CDKAL1: variants seen among roughly 807,000 people sequenced by gnomAD.
CDKAL1 encodes CDKAL1 threonylcarbamoyladenosine tRNA methylthiotransferase, also known as threonylcarbamoyladenosine tRNA methylthiotransferase.
CDKAL1 carries 32 observed loss-of-function variants against 68.2 expected under a neutral mutation model. The ratio of observed to expected loss-of-function variants is 0.47; its 90% CI spans 0.35 to 0.63. CDKAL1 has a LOEUF of 0.63. Ranked by LOEUF, CDKAL1 falls within the 30% of genes least tolerant of loss-of-function variation. The pLI is 0.00. For synonymous variants in CDKAL1, 234 were observed against 244.3 expected, an observed-to-expected ratio of 0.96 and a Z score of 0.39; for missense variants, 606 against 696.7, an observed-to-expected ratio of 0.87 and a Z score of 1.47.
At chr6:21,200,692 C>G (rs1333358495) in intron 14 of CDKAL1, 1 of 155,208 alleles carries the variant, frequency 6.4e-6, no homozygotes, top group African/African-American at 2.4e-5. Flanking sequence ...CCCAGGTCTG[C>G]CTTCCACGTG....
chr6:21,203,147 G>A (rs560202067), intron 15 of CDKAL1, among the ~76,000 whole-genome samples: 13 of 149,698 alleles, frequency 8.7e-5, no homozygotes, highest in South Asian at 8.4e-4. Context: ...CCTCCTGGGC[G>A]CAAGCAATCG....
chr6:20,545,302 G>T (rs1763555070), intron 2 of CDKAL1, among the ~76,000 whole-genome samples: 1 of 151,804 alleles, frequency 6.6e-6, no homozygotes, highest in African/African-American at 2.4e-5. Flanking sequence ...TTATCTTCTT[G>T]CAAGCTGTGT....
chr6:20,968,696 A>G (rs1765448486), intron 10 of CDKAL1, among the ~76,000 whole-genome samples: 1 of 151,888 alleles, frequency 6.6e-6, no homozygotes, highest in African/African-American at 2.4e-5. Context: ...GAGCCCTTCT[A>G]GTAATTTTTA....
At chr6:21,091,511 A>G (rs1773004002) in intron 12 of CDKAL1, among the ~76,000 whole-genome samples, 1 of 152,206 alleles carries the variant, frequency 6.6e-6, no homozygotes, top group African/African-American at 2.4e-5. Flanking sequence ...GGATTGCCCC[A>G]TTCCCTCCCC....
chr6:21,054,303 A>G lies in CDKAL1; in HGVS notation c.1056-10745A>G, dbSNP rs1007902226. 5.3e-5 allele frequency among the ~76,000 whole-genome samples: 8 copies of G among 151,948 alleles called. No individual in the cohort carries two copies. The East Asian group carries it at 1.2e-3, about 22-fold the overall frequency. ...GAATTGGTATATATTTGGACTCTCT[A>G]TTTTTCCATTGATGTATCCCTACAC... On this transcript the variant is annotated intron_variant, in intron 11 of 15. Coordinates refer to ENST00000274695, the MANE Select transcript of CDKAL1 (RefSeq NM_017774.3).
chr6:20,731,465 G>T (rs1772922363), intron 5 of CDKAL1, among the ~76,000 whole-genome samples: 1 of 152,178 alleles, frequency 6.6e-6, no homozygotes, highest in Admixed American at 6.5e-5. Flanking sequence ...TGTGAGAGAA[G>T]TTAAGAGTAA....
rs1185798695 is a variant in CDKAL1, at chr6:21,012,279, A to AG, written c.1055+11908dup. Among the ~76,000 whole-genome samples the AG allele has an allele frequency of 5.9e-5, 9 of 152,340 alleles. No homozygotes were observed. In the East Asian group the frequency reaches 1.7e-3, roughly 29 times the overall value. On this transcript the variant is annotated intron_variant, in intron 11 of 15. Coordinates refer to ENST00000274695, the MANE Select transcript of CDKAL1 (RefSeq NM_017774.3). ...GTTTGAGTTTTTTGTCCCCCTTTAA[A>AG]GAGTCTCTTGGAAAGAAGGGGAGAT... is the stretch of plus-strand genomic sequence containing the variant.
At position 21,198,091 on chromosome 6, in the gene CDKAL1, A is replaced by T; in HGVS notation, c.1370A>T (p.Gln457Leu). 1.3e-6 allele frequency: 2 copies of T among 1,598,714 alleles called. No homozygotes were observed. Among genetic ancestry groups the T allele is most frequent in the Non-Finnish European group, 1.7e-6 (2 of 1,171,546 alleles). The change falls in exon 14 of 16, where the codon CAA becomes CTA. Residue 457 changes from glutamine (Q) to leucine (L), a missense_variant. Gln to Leu is a moderately radical substitution (Grantham distance 113). Transcript: ENST00000274695. ...FDSKFYVAHN[Q>L]FYEQVLVPKN... ...TCCAAGTTTTATGTTGCACACAATC[A>T]ATTCTATGAGCAGGTAAGAGGCACT...
At chr6:20,987,572 C>T (rs918407060) in intron 10 of CDKAL1, among the ~76,000 whole-genome samples, 14 of 152,172 alleles carry the variant, frequency 9.2e-5, no homozygotes, top group African/African-American at 3.1e-4. Flanking sequence ...ACGTTTTTAT[C>T]TTTAAAAATT....
At chr6:21,204,472 T>C (rs1397061046) in intron 15 of CDKAL1, among the ~76,000 whole-genome samples, 1 of 152,196 alleles carries the variant, frequency 6.6e-6, no homozygotes, top group Non-Finnish European at 1.5e-5. Flanking sequence ...CAATATATTG[T>C]CAAATTTTAA....
intron 5 of CDKAL1, among the ~76,000 whole-genome samples, chr6:20,717,876 A>C (rs1042330661): frequency 6.6e-6 from 1 of 152,054 alleles, no homozygotes; most frequent in East Asian, 1.9e-4. Flanking sequence ...CTAATTTTTC[A>C]TCAGGCACAG....
At chr6:20,751,520 T>G (rs552025290) in intron 6 of CDKAL1, among the ~76,000 whole-genome samples, 25 of 152,376 alleles carry the variant, frequency 1.6e-4, no homozygotes, top group African/African-American at 5.8e-4. Context: ...CAGAAGGTCC[T>G]GCTGACAGCA....
At position 20,781,097 on chromosome 6, in the gene CDKAL1, T is replaced by G; in HGVS notation, c.518-48T>G. The G allele has an allele frequency of 3.2e-6, 5 of 1,568,824 alleles. No individual in the cohort carries two copies. The South Asian group carries it at 4.7e-5, about 15-fold the overall frequency. ...ATTTGTTGAAAGCGTTAAGTTACAGTGAAGTGTGTAACTCTTGCTAATGTA... is the reference window on the plus strand; with the variant it reads ...ATTTGTTGAAAGCGTTAAGTTACAGGGAAGTGTGTAACTCTTGCTAATGTA... On this transcript the variant is annotated intron_variant, in intron 7 of 15. Transcript: ENST00000274695.
At position 20,748,554 on chromosome 6, in the gene CDKAL1, GGAAAAAAAAAAAAAAAAAAAAAA is replaced by G. The variant is rs1327927138; in HGVS notation, c.468+8940_468+8962del. ...GGAAAGAGAGCAAGACTCTGTTTCT[GGAAAAAAAAAAAAAAAAAAAAAA>G]AAAAAAAAAAAAAAAAAAGCTATAG... On this transcript the variant is annotated intron_variant, in intron 6 of 15. Coordinates refer to ENST00000274695, the MANE Select transcript of CDKAL1 (RefSeq NM_017774.3). Among the ~76,000 whole-genome samples, 181 of 77,088 alleles carry G rather than the reference GGAAAAAAAAAAAAAAAAAAAAAA, an allele frequency of 2.3e-3. 12 individuals are homozygous for G. Among genetic ancestry groups the G allele is most frequent in the African/African-American group, 4.7e-3 (99 of 21,016 alleles). 50.6% of individuals were successfully genotyped at this position (77,088 alleles called of 152,430 possible).
intron 9 of CDKAL1, 58 bp from the exon 10 acceptor site, chr6:20,955,361 G>T: frequency 1.3e-6 from 2 of 1,531,284 alleles, no homozygotes; most frequent in Non-Finnish European, 9.0e-7. Context: ...GTGAGCAGCT[G>T]TATGATGAAG....
Position 20,725,672 on chromosome 6 carries a change from T to C in CDKAL1, c.372-13847T>C, listed in dbSNP as rs376501295. On this transcript the variant is annotated intron_variant, in intron 5 of 15. Transcript: ENST00000274695. ...GGTGGCACATGCCTGTAATCCCAGC[T>C]ATGCGGGAGGCTGAGGCAGGAGAAT... Among the ~76,000 whole-genome samples, 29 of 151,162 alleles carry C rather than the reference T, an allele frequency of 1.9e-4. No individual in the cohort carries two copies. The South Asian group carries it at 5.6e-3, about 29-fold the overall frequency.
intron 5 of CDKAL1, among the ~76,000 whole-genome samples, chr6:20,683,187 G>A (rs1305735711): frequency 1.3e-5 from 2 of 151,998 alleles, no homozygotes; most frequent in African/African-American, 4.8e-5. Flanking sequence ...TAATCCCACT[G>A]GAGCTTAGGA....
chr6:21,029,947 GA>G (rs199860134), intron 11 of CDKAL1, among the ~76,000 whole-genome samples: 1,639 of 152,014 alleles, frequency 0.011, 13 homozygotes, highest in Middle Eastern at 0.02. Flanking sequence ...TAGAATCTTG[GA>G]TCTTTGACCC....
At chr6:20,779,760 T>A (rs1049014726) in intron 7 of CDKAL1, among the ~76,000 whole-genome samples, 40 of 152,232 alleles carry the variant, frequency 2.6e-4, no homozygotes, top group African/African-American at 9.4e-4. Context: ...AATTTTTGTA[T>A]TTTTAGTAGA....
Sources: allele counts gnomAD v4.1 joint callset (sites outside exome capture counted in the v4.1 genomes callset), GRCh38; gene constraint gnomAD v4.1.1; transcripts MANE v1.5; gene names NCBI Gene and HGNC (gene_info 2026-07-23, HGNC 2026-07-21).